SPIDR: variants seen among roughly 807,000 people sequenced by gnomAD.
SPIDR encodes scaffold protein involved in DNA repair.
SPIDR carries 93 observed loss-of-function variants against 104.6 expected under a neutral mutation model. The observed-to-expected ratio is 0.89, with a 90% CI of 0.75 to 1.06. SPIDR has a LOEUF of 1.06. SPIDR is among the 50% of genes least tolerant of loss of function. The pLI is 0.00. For missense variants in SPIDR, 1,154 were observed against 1,111.2 expected, an observed-to-expected ratio of 1.04 and a Z score of -0.55; for synonymous variants, 431 against 416.9, an observed-to-expected ratio of 1.03 and a Z score of -0.41.
chr8:47,530,129 A>G (rs1485626280), intron 8 of SPIDR, among the ~76,000 whole-genome samples: 1 of 152,200 alleles, frequency 6.6e-6, no homozygotes, highest in Non-Finnish European at 1.5e-5. Flanking sequence ...GCATGTAACT[A>G]TACTGAACAC....
intron 8 of SPIDR, among the ~76,000 whole-genome samples, chr8:47,509,555 A>T (rs2082004518): frequency 6.6e-6 from 1 of 152,174 alleles, no homozygotes; most frequent in Non-Finnish European, 1.5e-5. Flanking sequence ...ATGAACTCCC[A>T]GTTTTATACC....
chr8:47,563,419 G>C (rs922697299), intron 8 of SPIDR, among the ~76,000 whole-genome samples: 1 of 151,710 alleles, frequency 6.6e-6, no homozygotes, highest in African/African-American at 2.4e-5. Flanking sequence ...GCTATTCTTC[G>C]CCTCAGCCTC....
chr8:47,531,446 A>G (rs1219175440), intron 8 of SPIDR, among the ~76,000 whole-genome samples: 1 of 152,090 alleles, frequency 6.6e-6, no homozygotes, highest in African/African-American at 2.4e-5. Flanking sequence ...AAATATATCC[A>G]TGGTAGATCA....
chr8:47,706,502 C>T (rs1029133802), intron 14 of SPIDR, among the ~76,000 whole-genome samples: 6 of 152,122 alleles, frequency 3.9e-5, no homozygotes, highest in African/African-American at 7.2e-5. Flanking sequence ...TGTATGTGTG[C>T]GTGCACTTCT....
intron 10 of SPIDR, among the ~76,000 whole-genome samples, chr8:47,599,898 C>T (rs944254238): frequency 7.9e-5 from 12 of 152,160 alleles, no homozygotes; most frequent in African/African-American, 2.9e-4. Context: ...GCTGGGATTA[C>T]AGGCTTGCAC....
intron 10 of SPIDR, among the ~76,000 whole-genome samples, chr8:47,641,906 G>A (rs1413804577): frequency 6.6e-6 from 1 of 152,232 alleles, no homozygotes; most frequent in Non-Finnish European, 1.5e-5. Context: ...AAGAAAGCCA[G>A]CACTCTGGGA....
At chr8:47,607,944 G>A (rs2063159627) in intron 10 of SPIDR, among the ~76,000 whole-genome samples, 1 of 149,052 alleles carries the variant, frequency 6.7e-6, no homozygotes, top group South Asian at 2.1e-4. Flanking sequence ...CATTTTTAAA[G>A]AGCTTTATTG....
chr8:47,491,060 C>G (rs146240871), intron 8 of SPIDR, among the ~76,000 whole-genome samples: 1 of 152,254 alleles, frequency 6.6e-6, no homozygotes, highest in African/African-American at 2.4e-5. Context: ...TTAGCCAAAA[C>G]TTGTAACTAC....
intron 5 of SPIDR, among the ~76,000 whole-genome samples, chr8:47,391,859 A>G (rs1357767169): frequency 1.3e-5 from 2 of 151,602 alleles, no homozygotes; most frequent in Admixed American, 6.6e-5. Context: ...AGCTGGGCGT[A>G]GTGGCGGGCG....
At chr8:47,405,119 C>T (rs754490199) in intron 6 of SPIDR, among the ~76,000 whole-genome samples, 4 of 152,176 alleles carry the variant, frequency 2.6e-5, no homozygotes, top group Non-Finnish European at 5.9e-5. Context: ...GAACCAGACA[C>T]CGCATGTTCT....
At chr8:47,638,824 C>T (rs2068375193) in intron 10 of SPIDR, among the ~76,000 whole-genome samples, 1 of 152,268 alleles carries the variant, frequency 6.6e-6, no homozygotes, top group Non-Finnish European at 1.5e-5. Context: ...CCTTTATCTC[C>T]TCTCCAGGCT....
In SPIDR at chr8:47,735,348, G is replaced by T. The variant is rs762172716; in HGVS notation, c.2646G>T (p.Leu882Phe). 6.2e-7 allele frequency: 1 copy of T among 1,614,110 alleles called. No individual in the cohort carries two copies. Among genetic ancestry groups the T allele is most frequent in the East Asian group, 2.2e-5 (1 of 44,880 alleles). ...VKSVLGKEVG[L>F]LNCFVQSVTA... ...GTGTCCTCGGAAAGGAAGTGGGGTT[G>T]TTAAATTGTTTTGTCCAGTCCGTAA... is the stretch of plus-strand genomic sequence containing the variant. Residue 882 changes from leucine to phenylalanine, a missense_variant, in exon 20 of 20, where the codon TTG becomes TTT. Coordinates refer to ENST00000297423, the MANE Select transcript of SPIDR (RefSeq NM_001080394.4).
chr8:47,671,302 A>G (rs951199036), intron 10 of SPIDR, among the ~76,000 whole-genome samples: 2 of 152,128 alleles, frequency 1.3e-5, no homozygotes, highest in Admixed American at 1.3e-4. Flanking sequence ...AAAATGTCCC[A>G]GGCCAGGCGG....
intron 10 of SPIDR, among the ~76,000 whole-genome samples, chr8:47,665,663 A>G (rs1326653472): frequency 6.6e-6 from 1 of 152,248 alleles, no homozygotes; most frequent in East Asian, 1.9e-4. Flanking sequence ...ATTCTTCTGC[A>G]TATCACCTGC....
chr8:47,512,158 G>A lies in SPIDR; in HGVS notation c.1097+71616G>A, dbSNP rs980937824. On this transcript the variant is annotated intron_variant, in intron 8 of 19. Coordinates refer to ENST00000297423, the MANE Select transcript of SPIDR (RefSeq NM_001080394.4). ...CTCCGCTGCCGTCTTCATCCCATGC[G>A]CCTCCCCACATCCACTACTTTCTTA... The A allele has an allele frequency of 4.0e-5, 16 of 403,702 alleles. 1 individual carries two copies. Among genetic ancestry groups the A allele is most frequent in the African/African-American group, 1.2e-4 (6 of 48,482 alleles). 25.0% of individuals were successfully genotyped at this position (403,702 alleles called of 1,614,324 possible). A position where few individuals can be genotyped will look rare whatever the true frequency, so the allele number is the denominator to read the frequency against.
intron 5 of SPIDR, among the ~76,000 whole-genome samples, chr8:47,327,179 G>A (rs1316513450): frequency 6.6e-6 from 1 of 151,950 alleles, no homozygotes; most frequent in Admixed American, 6.6e-5. Context: ...GTTTTGGTTT[G>A]CAATTCTCTA....
chr8:47,713,444 C>T, intron 15 of SPIDR, 45 bp from the exon 16 acceptor site: 1 of 1,611,778 alleles, frequency 6.2e-7, no homozygotes, highest in Non-Finnish European at 8.5e-7. Context: ...GCACAATTCA[C>T]TTTTTCTTCA....
In SPIDR at chr8:47,298,177, G is replaced by A. The variant is rs1051708681; in HGVS notation, c.525+4147G>A. On this transcript the variant is annotated intron_variant, in intron 5 of 19. Transcript: ENST00000297423. ...AACTGGTGTGAGATGGTATCTCACC[G>A]TGGTTTTGATTTGCATTTCTCTGAT... Among the ~76,000 whole-genome samples the A allele has an allele frequency of 3.3e-5, 5 of 152,158 alleles. 1 individual carries two copies. The highest frequency in any genetic ancestry group is 4.1e-4 in the South Asian group (2 of 4,836).
At chr8:47,629,322 A>G (rs2066690413) in intron 10 of SPIDR, among the ~76,000 whole-genome samples, 1 of 152,222 alleles carries the variant, frequency 6.6e-6, no homozygotes, top group African/African-American at 2.4e-5. Flanking sequence ...TTATTTATAC[A>G]TAGCAGGTAT....
Sources: allele counts gnomAD v4.1 joint callset (sites outside exome capture counted in the v4.1 genomes callset), GRCh38; gene constraint gnomAD v4.1.1; transcripts MANE v1.5; gene names NCBI Gene and HGNC (gene_info 2026-07-23, HGNC 2026-07-21).